DGKD: variants seen among roughly 807,000 people sequenced by gnomAD.
DGKD encodes the protein DAG kinase delta.
Under a neutral mutation model 154.4 loss-of-function variants are expected in DGKD, and 68 were observed. The observed-to-expected ratio is 0.44, with a 90% CI of 0.36 to 0.54. The LOEUF (loss-of-function observed/expected upper bound fraction) is 0.54, where lower values mean the gene tolerates loss of function less well. Among genes scored for constraint, DGKD ranks in the 20% least tolerant of loss-of-function variants. DGKD has a pLI of 0.00. For missense variants in DGKD, 1,343 were observed against 1,593.6 expected (o/e 0.84, Z 2.68); for synonymous variants, 693 against 638.0 (o/e 1.09, Z -1.30).
intron 3 of DGKD, chr2:233,419,550 G>A (rs2062049137): frequency 1.6e-6 from 1 of 613,238 alleles, no homozygotes; most frequent in Non-Finnish European, 2.0e-6. Flanking sequence ...GTTGCTTCTT[G>A]GCTTGTATGT....
At chr2:233,363,246 A>C (rs1701867529) in intron 1 of DGKD, among the ~76,000 whole-genome samples, 1 of 152,206 alleles carries the variant, frequency 6.6e-6, no homozygotes, top group Non-Finnish European at 1.5e-5. Flanking sequence ...GAGGCGGAAG[A>C]TAATGATACT....
intron 27 of DGKD, among the ~76,000 whole-genome samples, chr2:233,465,450 A>G (rs2124960644): frequency 6.6e-6 from 1 of 152,316 alleles, no homozygotes; most frequent in Admixed American, 6.5e-5. Context: ...GGAGAAATAC[A>G]GAGTCAATAA....
At chr2:233,409,735 G>T (rs947051845) in intron 3 of DGKD, among the ~76,000 whole-genome samples, 2 of 146,742 alleles carry the variant, frequency 1.4e-5, no homozygotes, top group African/African-American at 2.5e-5. Flanking sequence ...CCACACAATT[G>T]AAGAACCTGG....
intron 1 of DGKD, among the ~76,000 whole-genome samples, chr2:233,357,093 G>A (rs1176639680): frequency 6.6e-6 from 1 of 152,206 alleles, no homozygotes; most frequent in Non-Finnish European, 1.5e-5. Context: ...GTGAAGGAAG[G>A]AGATGGCATT....
intron 27 of DGKD, 151 bp from the exon 28 acceptor site, chr2:233,466,935 A>C: frequency 1.5e-6 from 1 of 659,562 alleles, no homozygotes; most frequent in Non-Finnish European, 2.8e-6. Flanking sequence ...AAGAATCAAT[A>C]AGGGAGAGAA....
At chr2:233,421,123 A>G (rs535988940) in intron 3 of DGKD, among the ~76,000 whole-genome samples, 7 of 152,168 alleles carry the variant, frequency 4.6e-5, no homozygotes, top group Non-Finnish European at 7.3e-5. Context: ...CATGAGTGAG[A>G]TAAGACATTG....
intron 3 of DGKD, among the ~76,000 whole-genome samples, chr2:233,428,059 G>A (rs550104542): frequency 5.3e-5 from 8 of 152,274 alleles, no homozygotes; most frequent in South Asian, 2.1e-4. Flanking sequence ...TCAGCCTCCC[G>A]AAGAGACTCA....
At chr2:233,442,237 A>G in intron 10 of DGKD, 1 of 633,774 alleles carries the variant, frequency 1.6e-6, no homozygotes, top group Non-Finnish European at 3.0e-6. Context: ...GAAGGGAGCT[A>G]CGAAAAGAAT....
intron 3 of DGKD, among the ~76,000 whole-genome samples, chr2:233,415,532 G>A (rs993308106): frequency 2.0e-5 from 3 of 152,230 alleles, no homozygotes; most frequent in Non-Finnish European, 4.4e-5. Context: ...GAAGGAGGTT[G>A]TATAGGCAAA....
chr2:233,368,801 A>G (rs1404346840), intron 1 of DGKD, among the ~76,000 whole-genome samples: 2 of 152,198 alleles, frequency 1.3e-5, no homozygotes, highest in Non-Finnish European at 2.9e-5. Flanking sequence ...TTTCCTGGAA[A>G]CACACCTTCA....
intron 3 of DGKD, among the ~76,000 whole-genome samples, chr2:233,408,353 G>A (rs1412374573): frequency 1.3e-5 from 2 of 152,214 alleles, no homozygotes; most frequent in African/African-American, 4.8e-5. Context: ...GTATATAATT[G>A]GCAAATGTCT....
In DGKD at chr2:233,446,736, C is replaced by T; in HGVS notation, c.1359C>T (p.Ala453=). 3 of 1,614,156 alleles carry T rather than the reference C, an allele frequency of 1.9e-6. No individual in the cohort carries two copies. Among genetic ancestry groups the T allele is most frequent in the Non-Finnish European group, 2.5e-6 (3 of 1,180,036 alleles). ...GGTGGAGCGTCATGGCATACGAGGCCAAGCTCCCCCGGCAGGCCTCCTCCT... is the reference window on the plus strand; with the variant it reads ...GGTGGAGCGTCATGGCATACGAGGCTAAGCTCCCCCGGCAGGCCTCCTCCT... ...LDRWSVMAYE[A]KLPRQASSST... Residue 453 remains alanine, a synonymous_variant, in exon 12 of 30, where the codon GCC becomes GCT. Coordinates refer to ENST00000264057, the MANE Select transcript of DGKD (RefSeq NM_152879.3).
Position 233,449,042 on chromosome 2 carries a change from C to T in DGKD, c.1615-61C>T. Reference sequence around the variant, plus strand: ...GTCTGGGTGAAATGGCCTGAGGTTCCCTGCCTGCAGACCCTGTTCTCCTGC... The same window carrying T: ...GTCTGGGTGAAATGGCCTGAGGTTCTCTGCCTGCAGACCCTGTTCTCCTGC... On this transcript the variant is annotated intron_variant, in intron 14 of 29. Transcript: ENST00000264057. The surrounding 1 kb of genome is among the most constrained non-coding windows in gnomAD (Gnocchi z 5.3). 1 of 1,515,232 alleles carries T rather than the reference C, an allele frequency of 6.6e-7. No individual in the cohort carries two copies. The highest frequency in any genetic ancestry group is 8.8e-7 in the Non-Finnish European group (1 of 1,130,154). The allele number at this position is 1,515,232 out of a possible 1,614,324, so 93.9% of individuals were successfully genotyped here.
At chr2:233,371,711 A>G (rs1258560965) in intron 1 of DGKD, among the ~76,000 whole-genome samples, 5 of 152,106 alleles carry the variant, frequency 3.3e-5, no homozygotes, top group African/African-American at 1.2e-4. Context: ...TATTTTTTGT[A>G]TGTGGTGTGA....
rs1426827778 is a variant in DGKD at position 233,393,332 on chromosome 2, TC to T, written c.348+2851del. Among the ~76,000 whole-genome samples the T allele has an allele frequency of 9.0e-4, 126 of 140,532 alleles. 1 individual carries two copies. Among genetic ancestry groups the T allele is most frequent in the African/African-American group, 3.2e-3 (118 of 36,738 alleles). 92.2% of individuals were successfully genotyped at this position (140,532 alleles called of 152,430 possible). A position where few individuals can be genotyped will look rare whatever the true frequency, so the allele number is the denominator to read the frequency against. On this transcript the variant is annotated intron_variant, in intron 3 of 29. Coordinates refer to ENST00000264057, the MANE Select transcript of DGKD (RefSeq NM_152879.3). ...TGTGAGCCACCACGCCTGGCCTGTT[TC>T]CTTTTTTTTTTTTTTTTTTTTGAGA...
chr2:233,421,347 G>C (rs1436994153), intron 3 of DGKD, among the ~76,000 whole-genome samples: 1 of 152,140 alleles, frequency 6.6e-6, no homozygotes, highest in Non-Finnish European at 1.5e-5. Context: ...TCCAGAGCCT[G>C]CCCACTCTCC....
chr2:233,394,659 T>C, intron 3 of DGKD, among the ~76,000 whole-genome samples: 1 of 151,620 alleles, frequency 6.6e-6, no homozygotes, highest in Admixed American at 6.6e-5. Context: ...ACTTTTATCT[T>C]TAGTTTTCCT....
At chr2:233,388,400 A>T in intron 2 of DGKD, 33 bp downstream of exon 2, 1 of 1,591,338 alleles carries the variant, frequency 6.3e-7, no homozygotes, top group Non-Finnish European at 8.5e-7. Context: ...ACACGCGAGG[A>T]CATCACAGGA....
At chr2:233,420,373 C>T (rs1192802932) in intron 3 of DGKD, among the ~76,000 whole-genome samples, 1 of 151,892 alleles carries the variant, frequency 6.6e-6, no homozygotes, top group East Asian at 1.9e-4. Flanking sequence ...AAAAGTAACA[C>T]ATGAACCCAG....
Sources: gnomAD v4.1 joint callset for allele counts (sites outside exome capture counted in the v4.1 genomes callset) on GRCh38, gnomAD v4.1.1 for gene constraint, Gnocchi (gnomAD v3.1) non-coding constraint, MANE v1.5 for transcripts, NCBI Gene and HGNC (gene_info 2026-07-23, HGNC 2026-07-21) for gene names.